The following DRD2 variants were observed in gnomAD, a reference collection of about 807,000 sequenced individuals.
DRD2 encodes the protein D(2) dopamine receptor.
DRD2 carries 8 observed loss-of-function variants against 38.0 expected under a neutral mutation model. The observed-to-expected ratio is 0.21, with a 90% CI of 0.12 to 0.38. The LOEUF (loss-of-function observed/expected upper bound fraction) is 0.38. Among genes scored for constraint, DRD2 ranks in the 10% least tolerant of loss-of-function variants. The pLI is 1.00. For missense variants in DRD2, 403 were observed against 607.7 expected (o/e 0.66, Z 3.54); for synonymous variants, 230 against 238.6 (o/e 0.96, Z 0.33).
At chr11:113,430,266 G>A (rs1347520902) in intron 1 of DRD2, among the ~76,000 whole-genome samples, 2 of 152,184 alleles carry the variant, frequency 1.3e-5, no homozygotes, top group African/African-American at 4.8e-5. Flanking sequence ...GGAAGATACA[G>A]CTCTCCCAGC....
intron 1 of DRD2, among the ~76,000 whole-genome samples, chr11:113,432,822 A>G (rs572954890): frequency 8.8e-4 from 134 of 152,332 alleles, no homozygotes; most frequent in African/African-American, 2.4e-3. Context: ...TTGCAACTTC[A>G]AAAAGGCAGC....
At chr11:113,440,681 C>T (rs1289693236) in intron 1 of DRD2, among the ~76,000 whole-genome samples, 1 of 152,236 alleles carries the variant, frequency 6.6e-6, no homozygotes, top group Non-Finnish European at 1.5e-5. Context: ...GGACCCTGCT[C>T]ACACCAGTAC....
intron 6 of DRD2, chr11:113,413,479 T>C: frequency 2.4e-6 from 1 of 423,078 alleles, no homozygotes; most frequent in Non-Finnish European, 4.8e-6. Context: ...CCTCCTGGGT[T>C]CTTCCATAGG....
intron 2 of DRD2, among the ~76,000 whole-genome samples, chr11:113,418,833 G>A (rs915256055): frequency 1.3e-5 from 2 of 152,172 alleles, no homozygotes; most frequent in African/African-American, 4.8e-5. Flanking sequence ...AGCCCCAACA[G>A]GGCTGTAGCC....
intron 1 of DRD2, among the ~76,000 whole-genome samples, chr11:113,445,919 C>A (rs1245913448): frequency 6.6e-6 from 1 of 152,190 alleles, no homozygotes; most frequent in African/African-American, 2.4e-5. Context: ...CTGCTGGCTA[C>A]AGAGATGCTG....
intron 1 of DRD2, among the ~76,000 whole-genome samples, chr11:113,452,505 A>G (rs1025568182): frequency 2.0e-5 from 3 of 148,340 alleles, no homozygotes; most frequent in Non-Finnish European, 3.0e-5. Context: ...GGGACAGGAA[A>G]TGAGACACTG....
chr11:113,455,367 A>C (rs1047747911), intron 1 of DRD2, among the ~76,000 whole-genome samples: 1 of 152,138 alleles, frequency 6.6e-6, no homozygotes, highest in African/African-American at 2.4e-5. Context: ...ATCTCAAAAA[A>C]ATAATAATAA....
intron 1 of DRD2, among the ~76,000 whole-genome samples, chr11:113,462,599 C>A (rs953493629): frequency 2.0e-5 from 3 of 152,216 alleles, no homozygotes; most frequent in Admixed American, 6.5e-5. Context: ...TTAGAGGAAG[C>A]ATGGCCATGC....
chr11:113,438,835 C>A (rs528049307), intron 1 of DRD2, among the ~76,000 whole-genome samples: 16 of 152,340 alleles, frequency 1.1e-4, no homozygotes, highest in South Asian at 2.1e-4. Context: ...GCTTGGCAGA[C>A]TCTATCAGGT....
At chr11:113,446,254 C>T (rs1028854419) in intron 1 of DRD2, among the ~76,000 whole-genome samples, 3 of 152,176 alleles carry the variant, frequency 2.0e-5, no homozygotes, top group Non-Finnish European at 4.4e-5. Context: ...CCCAGGCACT[C>T]TCTTCATCCA....
intron 1 of DRD2, among the ~76,000 whole-genome samples, chr11:113,444,031 T>C (rs887024808): frequency 6.6e-6 from 1 of 152,174 alleles, no homozygotes; most frequent in East Asian, 1.9e-4. Context: ...TTTGTTTTTG[T>C]TGTTGTTGTT....
chr11:113,432,015 G>T (rs1950991858), intron 1 of DRD2, among the ~76,000 whole-genome samples: 1 of 152,204 alleles, frequency 6.6e-6, no homozygotes, highest in Non-Finnish European at 1.5e-5. Context: ...GGTATGGAAG[G>T]GGCTGCTTTC....
At chr11:113,420,072 G>A (rs1164036624) in intron 2 of DRD2, among the ~76,000 whole-genome samples, 2 of 152,134 alleles carry the variant, frequency 1.3e-5, no homozygotes, top group East Asian at 1.9e-4. Flanking sequence ...TGCCTTTAGG[G>A]TACCACTGGG....
At chr11:113,423,674 G>A (rs1386924102) in intron 2 of DRD2, among the ~76,000 whole-genome samples, 1 of 152,186 alleles carries the variant, frequency 6.6e-6, no homozygotes, top group Non-Finnish European at 1.5e-5. Flanking sequence ...ACAGTGTCTA[G>A]ACTGTGCTGC....
At chr11:113,459,501 C>G (rs867617351) in intron 1 of DRD2, among the ~76,000 whole-genome samples, 1 of 152,152 alleles carries the variant, frequency 6.6e-6, no homozygotes, top group Non-Finnish European at 1.5e-5. Context: ...GAGACTAGAA[C>G]CTAAGACTCC....
chr11:113,468,456 C>G (rs555782509), intron 1 of DRD2, among the ~76,000 whole-genome samples: 4 of 152,188 alleles, frequency 2.6e-5, no homozygotes, highest in Non-Finnish European at 5.9e-5. Context: ...AACTGATGAG[C>G]AGGTTAAGTG....
intron 1 of DRD2, chr11:113,447,446 A>AG: frequency 6.6e-6 from 1 of 151,028 alleles, no homozygotes; most frequent in East Asian, 1.9e-4. Flanking sequence ...AAACTTTGAC[A>AG]GGATTCAAGG....
intron 1 of DRD2, among the ~76,000 whole-genome samples, chr11:113,440,513 C>T (rs957252409): frequency 1.3e-5 from 2 of 152,230 alleles, no homozygotes; most frequent in African/African-American, 4.8e-5. Flanking sequence ...AAGGCTGCGC[C>T]TTTGGATGTT....
intron 1 of DRD2, among the ~76,000 whole-genome samples, chr11:113,442,399 G>T (rs372313218): frequency 6.6e-6 from 1 of 152,196 alleles, no homozygotes. Context: ...AGCTACAAAG[G>T]CTGTGTCTGA....
Sources: gnomAD v4.1 joint callset for allele counts (sites outside exome capture counted in the v4.1 genomes callset) on GRCh38, gnomAD v4.1.1 for gene constraint, MANE v1.5 for transcripts, NCBI Gene and HGNC (gene_info 2026-07-23, HGNC 2026-07-21) for gene names.